The following UGGT1 variants were observed in gnomAD, a reference collection of about 807,000 sequenced individuals.
The protein encoded by UGGT1 is UDP-glucose:glycoprotein glucosyltransferase 1.
In UGGT1, 107 loss-of-function variants were observed where a neutral mutation model predicts 203.9. The observed-to-expected ratio is 0.52, with a 90% CI of 0.45 to 0.62. The LOEUF (loss-of-function observed/expected upper bound fraction) is 0.62. UGGT1 is among the 20% of genes least tolerant of loss of function. The probability of loss-of-function intolerance (pLI) is 0.00; values close to 1 mark genes in which losing one functional copy is unlikely to be tolerated. For missense variants in UGGT1, 1,673 were observed against 1,867.2 expected (o/e 0.90, Z 1.92); for synonymous variants, 628 against 653.5 (o/e 0.96, Z 0.59).
chr2:128,168,610 G>T (rs1690914829), intron 26 of UGGT1, among the ~76,000 whole-genome samples: 2 of 152,152 alleles, frequency 1.3e-5, no homozygotes, highest in South Asian at 4.1e-4. Context: ...ACAGTTAATG[G>T]TTTTCAAAAA....
chr2:128,130,789 C>T (rs1453582187), intron 13 of UGGT1, among the ~76,000 whole-genome samples: 1 of 151,950 alleles, frequency 6.6e-6, no homozygotes, highest in Non-Finnish European at 1.5e-5. Context: ...ATATATTTTT[C>T]TTTCTTTCTT....
chr2:128,182,698 C>A (rs201868849), intron 37 of UGGT1, among the ~76,000 whole-genome samples: 156 of 118,244 alleles, frequency 1.3e-3, no homozygotes, highest in Admixed American at 1.9e-3. Flanking sequence ...GATTCCATCT[C>A]AAAAAAAAAA....
At chr2:128,138,084 G>C (rs771628244) in intron 15 of UGGT1, among the ~76,000 whole-genome samples, 54 of 150,938 alleles carry the variant, frequency 3.6e-4, no homozygotes, top group Non-Finnish European at 6.6e-4. Context: ...TCTAGTTTTT[G>C]TTTAAAATCA....
intron 17 of UGGT1, 81 bp downstream of exon 17, chr2:128,143,306 A>G: frequency 2.1e-6 from 3 of 1,419,436 alleles, no homozygotes; most frequent in South Asian, 1.6e-5. Context: ...TTGGTTAATA[A>G]TGGCGATGGT....
At chr2:128,155,398 T>C in intron 19 of UGGT1, 91 bp from the exon 20 acceptor site, 1 of 947,848 alleles carries the variant, frequency 1.1e-6, no homozygotes, top group South Asian at 1.6e-5. Flanking sequence ...TTTCTATAAA[T>C]CTTATATTAT....
intron 1 of UGGT1, among the ~76,000 whole-genome samples, chr2:128,093,088 C>A (rs11687190): frequency 0.58 from 87,927 of 151,988 alleles, 25,657 homozygotes; most frequent in East Asian, 0.66. Context: ...CTGGTTTTAC[C>A]TGTAGAGTTA....
At position 128,164,774 on chromosome 2, in the gene UGGT1, A is replaced by C; in HGVS notation, c.2870A>C (p.Gln957Pro). Residue 957 changes from glutamine to proline, a missense_variant, in exon 26 of 41, where the codon CAA becomes CCA. Physicochemically the swap from Gln to Pro is moderately conservative, Grantham distance 76 (BLOSUM62 -1). Transcript: ENST00000259253. ...VMKVDALLSA[Q>P]PKGDPRIEYQ... Reference sequence around the variant, plus strand: ...AAGGTGGATGCTCTTCTGTCAGCGCAACCAAAAGGAGATCCAAGAATCGAG... The same window carrying C: ...AAGGTGGATGCTCTTCTGTCAGCGCCACCAAAAGGAGATCCAAGAATCGAG... 6.2e-7 allele frequency: 1 copy of C among 1,612,916 alleles called. No homozygotes were observed. The highest frequency in any genetic ancestry group is 8.5e-7 in the Non-Finnish European group (1 of 1,179,576).
chr2:128,166,803 C>T (rs1208114931), intron 26 of UGGT1, among the ~76,000 whole-genome samples: 4 of 152,176 alleles, frequency 2.6e-5, no homozygotes, highest in Admixed American at 2.0e-4. Flanking sequence ...GATTGTGCCT[C>T]GGAATCCCCA....
chr2:128,120,960 AGCGTTAG>A (rs1688354974), intron 9 of UGGT1, among the ~76,000 whole-genome samples: 1 of 3,406 alleles, frequency 2.9e-4, no homozygotes, highest in Non-Finnish European at 4.5e-3. Flanking sequence ...GCGTTAGTGT[AGCGTTAG>A]TGTGTGCCCT....
intron 39 of UGGT1, chr2:128,187,118 TAGGA>T (rs1289433833): frequency 7.1e-6 from 2 of 280,960 alleles, no homozygotes; most frequent in African/African-American, 4.4e-5. Context: ...CTGCTTACAT[TAGGA>T]AACCAAATCC....
chr2:128,133,505 G>A (rs1051260483), intron 14 of UGGT1, among the ~76,000 whole-genome samples: 2 of 152,180 alleles, frequency 1.3e-5, no homozygotes, highest in Non-Finnish European at 2.9e-5. Flanking sequence ...TTTTTAACAC[G>A]AAGGTTTAGA....
At chr2:128,158,562 A>AGGG (rs1690361495) in intron 22 of UGGT1, among the ~76,000 whole-genome samples, 5 of 152,254 alleles carry the variant, frequency 3.3e-5, no homozygotes, top group Non-Finnish European at 7.3e-5. Flanking sequence ...TTCATTCTGT[A>AGGG]GTATTATATC....
chr2:128,119,569 TA>T (rs1319246365), intron 8 of UGGT1, among the ~76,000 whole-genome samples: 1 of 152,254 alleles, frequency 6.6e-6, no homozygotes, highest in African/African-American at 2.4e-5. Flanking sequence ...ATGCTATATT[TA>T]AAGATAAAAC....
At chr2:128,138,668 A>G (rs2105443735) in intron 15 of UGGT1, 49 bp from the exon 16 acceptor site, 1 of 1,593,736 alleles carries the variant, frequency 6.3e-7, no homozygotes. Context: ...CTTTTTAACC[A>G]TTTGCATTCT....
chr2:128,142,745 G>A lies in UGGT1; in HGVS notation c.1720-349G>A, dbSNP rs184144705. Among the ~76,000 whole-genome samples the A allele has an allele frequency of 6.9e-3, 1,044 of 152,190 alleles. 22 individuals are homozygous for A. Among genetic ancestry groups the A allele is most frequent in the South Asian group, 0.061 (294 of 4,826 alleles). On this transcript the variant is annotated intron_variant, in intron 16 of 40. Transcript: ENST00000259253. ...TGCCTGTAATCCCAGCACTTTGGGA[G>A]ACTGAGGCGGGTGGATCACCTGAGG...
chr2:128,162,130 T>A (rs967201843), intron 25 of UGGT1, among the ~76,000 whole-genome samples: 2 of 152,180 alleles, frequency 1.3e-5, no homozygotes, highest in African/African-American at 4.8e-5. Flanking sequence ...TGATTGGTGA[T>A]GTTGAGCATC....
At chr2:128,122,173 C>A (rs949336437) in intron 10 of UGGT1, among the ~76,000 whole-genome samples, 5 of 152,062 alleles carry the variant, frequency 3.3e-5, no homozygotes, top group African/African-American at 9.7e-5. Context: ...AGGGTTTTGC[C>A]ATGTTGATCA....
At chr2:128,103,125 G>A (rs1687454695) in intron 2 of UGGT1, 1 of 470,682 alleles carries the variant, frequency 2.1e-6, no homozygotes, top group African/African-American at 2.0e-5. Flanking sequence ...ACAAGTAATG[G>A]GAAAGTCTTC....
In UGGT1 at chr2:128,189,961, T is replaced by C. The variant is rs1022706653; in HGVS notation, c.*219T>C. 63 of 512,428 alleles carry C rather than the reference T, an allele frequency of 1.2e-4. No homozygotes were observed. Among genetic ancestry groups the C allele is most frequent in the African/African-American group, 1.1e-3 (57 of 52,734 alleles). The allele number at this position is 512,428 out of a possible 1,614,324, so 31.7% of individuals were successfully genotyped here. A position where few individuals can be genotyped will look rare whatever the true frequency, so the allele number is the denominator to read the frequency against. On this transcript the variant is annotated 3_prime_UTR_variant, in exon 41 of 41. Coordinates refer to ENST00000259253, the MANE Select transcript of UGGT1 (RefSeq NM_020120.4). Reference sequence around the variant, plus strand: ...ATTTGTACCTCAGAGGAAGACCAAGTGGCTGATCCTTTGGACTCTGTAAAG... The same window carrying C: ...ATTTGTACCTCAGAGGAAGACCAAGCGGCTGATCCTTTGGACTCTGTAAAG...
Sources: allele counts gnomAD v4.1 joint callset (sites outside exome capture counted in the v4.1 genomes callset), GRCh38; gene constraint gnomAD v4.1.1; transcripts MANE v1.5; gene names NCBI Gene and HGNC (gene_info 2026-07-23, HGNC 2026-07-21).